The following LMNTD1 variants were observed in gnomAD, a reference collection of about 807,000 sequenced individuals.
The protein encoded by LMNTD1 is lamin tail domain-containing protein 1.
LMNTD1 carries 35 observed loss-of-function variants against 50.9 expected under a neutral mutation model. The observed-to-expected ratio is 0.69, with a 90% CI of 0.53 to 0.91. The LOEUF is 0.91. LMNTD1 is among the 40% of genes least tolerant of loss of function. LMNTD1 has a pLI of 0.00. For missense variants in LMNTD1, 470 were observed against 475.5 expected (o/e 0.99, Z 0.11); for synonymous variants, 153 against 161.9 (o/e 0.94, Z 0.42).
At chr12:25,512,400 G>C (rs1007088144) in intron 8 of LMNTD1, among the ~76,000 whole-genome samples, 1 of 152,174 alleles carries the variant, frequency 6.6e-6, no homozygotes, top group African/African-American at 2.4e-5. Context: ...AAATCTAGGA[G>C]ACGTTTGACA....
intron 1 of LMNTD1, among the ~76,000 whole-genome samples, chr12:25,596,766 A>G (rs576116202): frequency 2.0e-5 from 3 of 152,236 alleles, no homozygotes; most frequent in Non-Finnish European, 1.5e-5. Flanking sequence ...AAAAACACAG[A>G]ACATTATAAC....
intron 9 of LMNTD1, among the ~76,000 whole-genome samples, chr12:25,503,256 T>C (rs1274894068): frequency 1.3e-5 from 2 of 152,194 alleles, no homozygotes; most frequent in Non-Finnish European, 2.9e-5. Context: ...TTAGTTGATA[T>C]CATCGTGAAA....
intron 8 of LMNTD1, among the ~76,000 whole-genome samples, chr12:25,515,330 A>T (rs1940675428): frequency 6.6e-6 from 1 of 152,112 alleles, no homozygotes; most frequent in East Asian, 1.9e-4. Context: ...AAAGTGACTG[A>T]ATTAGGTCTC....
At chr12:25,593,360 A>G (rs529177426) in intron 1 of LMNTD1, among the ~76,000 whole-genome samples, 6 of 152,280 alleles carry the variant, frequency 3.9e-5, no homozygotes, top group Middle Eastern at 3.4e-3. Flanking sequence ...TGGCTGAGAG[A>G]TCCACAGATG....
At chr12:25,605,056 G>A (rs1196146114) in intron 1 of LMNTD1, among the ~76,000 whole-genome samples, 1 of 152,052 alleles carries the variant, frequency 6.6e-6, no homozygotes, top group African/African-American at 2.4e-5. Context: ...GGTGTGAGAT[G>A]GTATCTCATT....
chr12:25,510,241 G>GTT (rs551737896), intron 8 of LMNTD1, among the ~76,000 whole-genome samples: 172 of 142,490 alleles, frequency 1.2e-3, no homozygotes, highest in Non-Finnish European at 2.0e-3. Context: ...AATCCTTCCA[G>GTT]TTTTTTTTTT....
At position 25,605,082 on chromosome 12, in the gene LMNTD1, A is replaced by C. The variant is rs546403267; in HGVS notation, c.58+43412T>G. ...GTATCTCATTGTGGTTTTGATTTGCATTTCTCTGATGGCCAGTGATGATGA... is the reference window on the plus strand; with the variant it reads ...GTATCTCATTGTGGTTTTGATTTGCCTTTCTCTGATGGCCAGTGATGATGA... On this transcript the variant is annotated intron_variant, in intron 1 of 7. Coordinates refer to the LMNTD1 transcript ENST00000445693. 9.1e-4 allele frequency among the ~76,000 whole-genome samples: 139 copies of C among 152,032 alleles called. 1 individual carries two copies. The highest frequency in any genetic ancestry group is 3.2e-3 in the African/African-American group (132 of 41,462).
At chr12:25,581,514 C>T (rs1415198776) in intron 1 of LMNTD1, among the ~76,000 whole-genome samples, 1 of 151,966 alleles carries the variant, frequency 6.6e-6, no homozygotes, top group Non-Finnish European at 1.5e-5. Flanking sequence ...AATAATGAAG[C>T]CATTATTTTT....
chr12:25,477,222 T>C (rs1938299106), intron 9 of LMNTD1, among the ~76,000 whole-genome samples: 1 of 152,172 alleles, frequency 6.6e-6, no homozygotes, highest in Admixed American at 6.5e-5. Flanking sequence ...AATAAGATGG[T>C]AAAGACATCT....
Position 25,642,432 on chromosome 12 carries a change from A to C in LMNTD1, c.58+6062T>G, listed in dbSNP as rs60280046. Among the ~76,000 whole-genome samples the C allele has an allele frequency of 3.6e-3, 554 of 152,280 alleles. 5 individuals carry two copies. In the East Asian group the frequency reaches 0.041, roughly 11 times the overall value. ...GACAGACAGCCATCTATGAACCAGA[A>C]GGAGGGCCCTCACTAAGAACCCAAC... On this transcript the variant is annotated intron_variant, in intron 1 of 7. Coordinates refer to the LMNTD1 transcript ENST00000445693.
At position 25,552,595 on chromosome 12, in the gene LMNTD1, A is replaced by AAAG; in HGVS notation, c.89+275_89+276insCTT. ...GCACTCTGTCTGAAAAAAAAAAAAA[A>AAAG]AAAAAACGGAACTTTGGCTGGAATC... On this transcript the variant is annotated intron_variant, in intron 2 of 9. Transcript: ENST00000458174. 1.3e-5 allele frequency among the ~76,000 whole-genome samples: 2 copies of AAAG among 150,568 alleles called. 1 individual carries two copies. The highest frequency in any genetic ancestry group is 4.9e-5 in the African/African-American group (2 of 41,160).
intron 6 of LMNTD1, among the ~76,000 whole-genome samples, chr12:25,525,479 T>C (rs1342448166): frequency 1.3e-5 from 2 of 152,092 alleles, no homozygotes; most frequent in Admixed American, 6.6e-5. Flanking sequence ...CTGTATGGAG[T>C]ACCTTCCTTA....
At chr12:25,618,249 T>C (rs915278252) in intron 1 of LMNTD1, among the ~76,000 whole-genome samples, 4 of 152,188 alleles carry the variant, frequency 2.6e-5, no homozygotes, top group South Asian at 2.1e-4. Flanking sequence ...GGGGAGCTTT[T>C]AGAAAGTTCC....
Position 25,553,251 on chromosome 12 carries a change from G to A in LMNTD1, c.-213C>T, listed in dbSNP as rs913405887. 4 of 1,462,474 alleles carry A rather than the reference G, an allele frequency of 2.7e-6. No individual in the cohort carries two copies. Among genetic ancestry groups the A allele is most frequent in the African/African-American group, 1.4e-5 (1 of 69,986 alleles). The allele number at this position is 1,462,474 out of a possible 1,614,324, so 90.6% of individuals were successfully genotyped here. A position where few individuals can be genotyped will look rare whatever the true frequency, so the allele number is the denominator to read the frequency against. The stretch of plus-strand genomic sequence containing the variant: ...CATTCACTGGAAGCAGCTTGAGAGG[G>A]CAGTAACTTGGCAAAGAGACCTTTA... On this transcript the variant is annotated 5_prime_UTR_variant, in exon 1 of 10. Coordinates refer to ENST00000458174, the MANE Select transcript of LMNTD1 (RefSeq NM_001145728.2).
At chr12:25,493,988 G>A (rs1938976347) in intron 9 of LMNTD1, among the ~76,000 whole-genome samples, 1 of 152,162 alleles carries the variant, frequency 6.6e-6, no homozygotes, top group African/African-American at 2.4e-5. Flanking sequence ...TGTGCTGTCA[G>A]GACCGCTTTG....
At chr12:25,582,556 C>G (rs1483845400) in intron 1 of LMNTD1, 3 of 152,150 alleles carry the variant, frequency 2.0e-5, no homozygotes, top group Non-Finnish European at 1.5e-5. Flanking sequence ...ACTTCATGGG[C>G]TCCGAATAAA....
At chr12:25,488,400 T>C (rs201607192) in intron 9 of LMNTD1, among the ~76,000 whole-genome samples, 20,050 of 128,164 alleles carry the variant, frequency 0.16, 1,834 homozygotes, top group East Asian at 0.46. Flanking sequence ...CCATTGCTGA[T>C]ACCCTTTCTT....
chr12:25,605,519 A>C (rs904552055), intron 1 of LMNTD1, among the ~76,000 whole-genome samples: 25 of 152,226 alleles, frequency 1.6e-4, no homozygotes, highest in African/African-American at 6.0e-4. Flanking sequence ...TAATTTTTGT[A>C]TAAGGTGTAA....
chr12:25,563,083 A>T (rs1326594101), intron 1 of LMNTD1, among the ~76,000 whole-genome samples: 1 of 152,182 alleles, frequency 6.6e-6, no homozygotes, highest in Admixed American at 6.5e-5. Flanking sequence ...GGGTTCGAAC[A>T]TCCTCCTTTA....
Sources: allele counts gnomAD v4.1 joint callset (sites outside exome capture counted in the v4.1 genomes callset), GRCh38; gene constraint gnomAD v4.1.1; transcripts MANE v1.5; gene names NCBI Gene and HGNC (gene_info 2026-07-23, HGNC 2026-07-21).